OPALIN: variants seen among roughly 807,000 people sequenced by gnomAD.
OPALIN encodes the protein oligodendrocytic myelin paranodal and inner loop protein, also known as transmembrane protein 10.
A neutral mutation model predicts 17.8 loss-of-function variants in OPALIN; 15 were observed. The observed-to-expected ratio is 0.84, with a 90% CI of 0.56 to 1.29. The LOEUF is 1.29. Among genes scored for constraint, OPALIN ranks in the 50% most tolerant of loss-of-function variants. The pLI, the probability that OPALIN is intolerant of heterozygous loss-of-function variation, is 0.00. For synonymous variants in OPALIN, 62 were observed against 63.8 expected (o/e 0.97, Z 0.14); for missense variants, 170 against 176.0 (o/e 0.97, Z 0.19).
intron 1 of OPALIN, chr10:96,356,876 C>G (rs1018455300): frequency 1.0e-6 from 1 of 985,150 alleles, no homozygotes; most frequent in African/African-American, 1.7e-5. Context: ...ACAGGTTTCC[C>G]AAGTCCAAAC....
chr10:96,346,030 C>G lies in OPALIN; in HGVS notation c.337G>C (p.Glu113Gln). 6.2e-7 allele frequency: 1 copy of G among 1,614,172 alleles called. No homozygotes were observed. The highest frequency in any genetic ancestry group is 2.2e-5 in the East Asian group (1 of 44,888). ...IYVKTVAGSE[E>Q]PVHDRYRPTI... ...GGACGGTAACGGTCATGCACAGGTTCCTCGCTTCCTGCTACAGTCTTCACA... is the reference window on the plus strand; with the variant it reads ...GGACGGTAACGGTCATGCACAGGTTGCTCGCTTCCTGCTACAGTCTTCACA... Residue 113 changes from glutamate (E) to glutamine (Q), a missense_variant, in exon 6 of 6, where the codon GAA becomes CAA. By Grantham distance (29) the Glu-to-Gln change is conservative (BLOSUM62 2). Transcript: ENST00000371172.
intron 5 of OPALIN, among the ~76,000 whole-genome samples, chr10:96,346,762 A>G (rs1427611558): frequency 6.6e-6 from 1 of 152,218 alleles, no homozygotes; most frequent in African/African-American, 2.4e-5. Flanking sequence ...TGTTATTAAC[A>G]CTTTCTATCC....
At chr10:96,346,971 TAA>T (rs1231589668) in intron 5 of OPALIN, among the ~76,000 whole-genome samples, 1 of 152,200 alleles carries the variant, frequency 6.6e-6, no homozygotes, top group Non-Finnish European at 1.5e-5. Flanking sequence ...GTTGAAAGTA[TAA>T]ATTACTTTTA....
chr10:96,353,885 C>T (rs1348498365), intron 2 of OPALIN, among the ~76,000 whole-genome samples: 4 of 152,104 alleles, frequency 2.6e-5, no homozygotes, highest in African/African-American at 4.8e-5. Context: ...TTCAGAAGTG[C>T]CCCCCACCAG....
rs148388749 is a variant in OPALIN, at chr10:96,348,257, G to T, written c.249+32C>A. On this transcript the variant is annotated intron_variant, in intron 5 of 5. Transcript: ENST00000371172. ...CACTTAGCTTGTTTACTGTGTGAAT[G>T]GTATATAGAGAGTATAACCAAGAGT... The T allele has an allele frequency of 2.0e-5, 22 of 1,094,994 alleles. No homozygotes were observed. In the Middle Eastern group the frequency reaches 6.1e-4, roughly 30 times the overall value. The allele number at this position is 1,094,994 out of a possible 1,614,324, so 67.8% of individuals were successfully genotyped here. A position where few individuals can be genotyped will look rare whatever the true frequency, so the allele number is the denominator to read the frequency against.
Position 96,351,372 on chromosome 10 carries a change from A to T in OPALIN, c.72+6T>A. ...CCCATTTTATAAATTTAAGTGATAT[A>T]GTTACCGTTTCTTTCCCACCTGTGA... is the stretch of plus-strand genomic sequence containing the variant. On this transcript the variant is annotated splice_donor_region_variant and intron_variant, in intron 3 of 5. Transcript: ENST00000371172. The T allele has an allele frequency of 6.7e-7, 1 of 1,490,100 alleles. No homozygotes were observed. Among genetic ancestry groups the T allele is most frequent in the Non-Finnish European group, 9.2e-7 (1 of 1,089,368 alleles). 92.3% of individuals were successfully genotyped at this position (1,490,100 alleles called of 1,614,324 possible).
At chr10:96,347,843 T>C (rs1845404548) in intron 5 of OPALIN, among the ~76,000 whole-genome samples, 1 of 152,232 alleles carries the variant, frequency 6.6e-6, no homozygotes, top group Admixed American at 6.5e-5. Flanking sequence ...ATAGAAGTGG[T>C]GTTAGTGAAG....
intron 2 of OPALIN, among the ~76,000 whole-genome samples, chr10:96,352,162 A>C (rs1845611806): frequency 6.6e-6 from 1 of 152,158 alleles, no homozygotes; most frequent in Non-Finnish European, 1.5e-5. Context: ...GGATAGTAGT[A>C]GCTGCCTCTA....
At chr10:96,355,204 C>G in intron 2 of OPALIN, 51 bp downstream of exon 2, 2 of 1,473,948 alleles carry the variant, frequency 1.4e-6, no homozygotes, top group Non-Finnish European at 1.8e-6. Flanking sequence ...ACTGTAAATT[C>G]TGCACTGGTC....
rs1176552505 is a variant in OPALIN at position 96,346,019 on chromosome 10, A to G, written c.348T>C (p.His116=). 2.5e-6 allele frequency: 4 copies of G among 1,614,196 alleles called. No homozygotes were observed. Among genetic ancestry groups the G allele is most frequent in the East Asian group, 2.2e-5 (1 of 44,890 alleles). Residue 116 remains histidine (H), a synonymous_variant, in exon 6 of 6, where the codon CAT becomes CAC. Coordinates refer to ENST00000371172, the MANE Select transcript of OPALIN (RefSeq NM_033207.5). The stretch of plus-strand genomic sequence containing the variant: ...TTTCTATAGTAGGACGGTAACGGTC[A>G]TGCACAGGTTCCTCGCTTCCTGCTA... ...KTVAGSEEPV[H]DRYRPTIEME...
intron 2 of OPALIN, among the ~76,000 whole-genome samples, chr10:96,352,676 T>C (rs538005598): frequency 7.0e-6 from 1 of 143,094 alleles, no homozygotes; most frequent in East Asian, 2.0e-4. Flanking sequence ...TAGGGTGGCT[T>C]TCACTAAAAA....
Position 96,358,186 on chromosome 10 carries a change from T to TAAAAAAAA in OPALIN, c.3+700_3+707dup, listed in dbSNP as rs61616596. Among the ~76,000 whole-genome samples the TAAAAAAAA allele has an allele frequency of 8.8e-3, 539 of 61,516 alleles. 27 individuals carry two copies. Among genetic ancestry groups the TAAAAAAAA allele is most frequent in the African/African-American group, 0.013 (253 of 19,468 alleles). 40.4% of individuals were successfully genotyped at this position (61,516 alleles called of 152,430 possible). On this transcript the variant is annotated intron_variant, in intron 1 of 5. Coordinates refer to ENST00000371172, the MANE Select transcript of OPALIN (RefSeq NM_033207.5). ...CTACTCCTTTTAACAATGCTTTTTG[T>TAAAAAAAA]AAAAAAAAAAAAAAAAAAAAAAAAA...
chr10:96,349,741 A>G lies in OPALIN; in HGVS notation c.158T>C (p.Ile53Thr), dbSNP rs930212993. 1 of 1,614,062 alleles carries G rather than the reference A, an allele frequency of 6.2e-7. No homozygotes were observed. The highest frequency in any genetic ancestry group is 8.5e-7 in the Non-Finnish European group (1 of 1,179,956). The change falls in exon 4 of 6, where the codon ATT becomes ACT. Residue 53 changes from isoleucine to threonine, a missense_variant. Transcript: ENST00000371172. ...ALLVALLFTL[I>T]HRRRSSIEAM... ...CTCAATGCTGCTTCTTCTTCGGTGA[A>G]TCAAAGTAAATAGTAAAGCCACCAG... is the stretch of plus-strand genomic sequence containing the variant.
intron 5 of OPALIN, among the ~76,000 whole-genome samples, chr10:96,346,751 A>G (rs940867885): frequency 6.6e-6 from 1 of 152,208 alleles, no homozygotes. Flanking sequence ...TGACATCGTT[A>G]TGTTATTAAC....
rs1845287321 is a variant in OPALIN at position 96,345,794 on chromosome 10, G to GACAA, written c.*143_*146dup. On this transcript the variant is annotated 3_prime_UTR_variant, in exon 6 of 6. Coordinates refer to ENST00000371172, the MANE Select transcript of OPALIN (RefSeq NM_033207.5). ...CCATGTTGGGGATGTCCCCTAAAGA[G>GACAA]ACAAATCAGCCCCAAAGTGTTCCAG... 1 of 723,230 alleles carries GACAA rather than the reference G, an allele frequency of 1.4e-6. No individual in the cohort carries two copies. The highest frequency in any genetic ancestry group is 1.8e-5 in the African/African-American group (1 of 56,312). 44.8% of individuals were successfully genotyped at this position (723,230 alleles called of 1,614,324 possible).
At chr10:96,355,209 C>T in intron 2 of OPALIN, 46 bp downstream of exon 2, 13 of 1,550,836 alleles carry the variant, frequency 8.4e-6, no homozygotes, top group Non-Finnish European at 1.1e-5. Context: ...AAATTCTGCA[C>T]TGGTCTTCTC....
At chr10:96,358,661 C>A (rs562630886) in intron 1 of OPALIN, among the ~76,000 whole-genome samples, 33 of 152,320 alleles carry the variant, frequency 2.2e-4, no homozygotes, top group African/African-American at 7.9e-4. Context: ...ATAGGTGAAA[C>A]ATCTACTCTG....
chr10:96,352,833 C>T (rs1845644040), intron 2 of OPALIN, among the ~76,000 whole-genome samples: 2 of 152,198 alleles, frequency 1.3e-5, no homozygotes, highest in South Asian at 4.1e-4. Flanking sequence ...TTCTCCTTCG[C>T]TCCAGAGCAG....
At chr10:96,347,232 T>A (rs1316711356) in intron 5 of OPALIN, among the ~76,000 whole-genome samples, 1 of 151,786 alleles carries the variant, frequency 6.6e-6, no homozygotes, top group Non-Finnish European at 1.5e-5. Context: ...GTAGCTGGGA[T>A]TACAGGCACC....
Sources: gnomAD v4.1 joint callset for allele counts (sites outside exome capture counted in the v4.1 genomes callset) on GRCh38, gnomAD v4.1.1 for gene constraint, MANE v1.5 for transcripts, NCBI Gene and HGNC (gene_info 2026-07-23, HGNC 2026-07-21) for gene names.